Variants in KCNQ1 observed in about 807,000 individuals in gnomAD.
The protein encoded by KCNQ1 is potassium voltage-gated channel subfamily Q member 1.
Under a neutral mutation model 72.4 loss-of-function variants are expected in KCNQ1, and 49 were observed. The ratio of observed to expected loss-of-function variants is 0.68; its 90% CI spans 0.54 to 0.86. The LOEUF (loss-of-function observed/expected upper bound fraction) is 0.86, where lower values mean the gene tolerates loss of function less well. Among genes scored for constraint, KCNQ1 ranks in the 40% least tolerant of loss-of-function variants. The pLI is 0.00. For synonymous variants in KCNQ1, 450 were observed against 412.6 expected, an observed-to-expected ratio of 1.09 and a Z score of -1.10; for missense variants, 790 against 945.1, an observed-to-expected ratio of 0.84 and a Z score of 2.15.
intron 12 of KCNQ1, among the ~76,000 whole-genome samples, chr11:2,770,949 G>C (rs1204170792): frequency 6.6e-6 from 1 of 152,246 alleles, no homozygotes. Flanking sequence ...AGGAGACCAT[G>C]GGAAGGGCCA....
At position 2,600,214 on chromosome 11, in the gene KCNQ1, C is replaced by G. The variant is rs559664764; in HGVS notation, c.1393+11360C>G. On this transcript the variant is annotated intron_variant, in intron 10 of 15. Coordinates refer to ENST00000155840, the MANE Select transcript of KCNQ1 (RefSeq NM_000218.3). This position sits in a 1 kb window ranked among gnomAD's most constrained non-coding sequence, Gnocchi z 5.6. ...CATCTCCGGCCTCAGTTATGACCACCAAAAACATCTCCACATGTTGCTACA... is the reference window on the plus strand; with the variant it reads ...CATCTCCGGCCTCAGTTATGACCACGAAAAACATCTCCACATGTTGCTACA... Among the ~76,000 whole-genome samples the G allele has an allele frequency of 2.6e-5, 4 of 152,288 alleles. No homozygotes were observed. The South Asian group carries it at 8.3e-4, about 32-fold the overall frequency.
chr11:2,512,410 C>T (rs1333811645), intron 1 of KCNQ1, among the ~76,000 whole-genome samples: 1 of 152,174 alleles, frequency 6.6e-6, no homozygotes, highest in Admixed American at 6.5e-5. Flanking sequence ...TGCCTACCTC[C>T]CTCTCTGAAT....
intron 10 of KCNQ1, chr11:2,628,734 C>T (rs1157183309): frequency 5.0e-6 from 2 of 398,144 alleles, no homozygotes; most frequent in African/African-American, 4.1e-5. Context: ...GGAGCTTTTC[C>T]CTGTTTTATA....
rs577584772 is a variant in KCNQ1 at position 2,777,850 on chromosome 11, A to AGT, written c.1733-125_1733-124dup. ...ATAGCATGCTTTTTAAAAATGTCCT[A>AGT]GTAGGTTTAGGCATTTTGACTCTCA... On this transcript the variant is annotated intron_variant, in intron 14 of 15. Coordinates refer to ENST00000155840, the MANE Select transcript of KCNQ1 (RefSeq NM_000218.3). The AGT allele has an allele frequency of 4.5e-4, 346 of 775,916 alleles. 1 individual carries two copies. In the African/African-American group the frequency reaches 5.3e-3, roughly 12 times the overall value. 48.1% of individuals were successfully genotyped at this position (775,916 alleles called of 1,614,324 possible).
chr11:2,621,953 C>T lies in KCNQ1; in HGVS notation c.1393+33099C>T, dbSNP rs928032019. 5 of 398,054 alleles carry T rather than the reference C, an allele frequency of 1.3e-5. No homozygotes were observed. Among genetic ancestry groups the T allele is most frequent in the African/African-American group, 8.2e-5 (4 of 48,546 alleles). The allele number at this position is 398,054 out of a possible 1,614,324, so 24.7% of individuals were successfully genotyped here. A position where few individuals can be genotyped will look rare whatever the true frequency, so the allele number is the denominator to read the frequency against. On this transcript the variant is annotated intron_variant, in intron 10 of 15. Coordinates refer to ENST00000155840, the MANE Select transcript of KCNQ1 (RefSeq NM_000218.3). The surrounding 1 kb of genome is among the most constrained non-coding windows in gnomAD (Gnocchi z 5.7). ...CTTCTTTTTCTAATTCCTTGAGGTACAATTTTGGGCTATTTGAAATATCTC... is the reference window on the plus strand; with the variant it reads ...CTTCTTTTTCTAATTCCTTGAGGTATAATTTTGGGCTATTTGAAATATCTC...
chr11:2,765,485 T>C (rs1846481001), intron 11 of KCNQ1, among the ~76,000 whole-genome samples: 1 of 152,188 alleles, frequency 6.6e-6, no homozygotes, highest in African/African-American at 2.4e-5. Flanking sequence ...TAGGGAGCAG[T>C]GTTCTGTATA....
intron 11 of KCNQ1, chr11:2,694,436 C>T (rs1432338025): frequency 1.3e-5 from 5 of 398,548 alleles, no homozygotes; most frequent in Non-Finnish European, 1.8e-5. Flanking sequence ...TGCTAAACAT[C>T]TTACAATATA....
At chr11:2,692,124 C>T (rs1850598119) in intron 11 of KCNQ1, 1 of 398,722 alleles carries the variant, frequency 2.5e-6, no homozygotes. Context: ...TTTTATAGCC[C>T]ACTCTACTGA....
Position 2,645,538 on chromosome 11 carries a change from G to A in KCNQ1, c.1394-16423G>A, listed in dbSNP as rs894155382. On this transcript the variant is annotated intron_variant, in intron 10 of 15. Coordinates refer to ENST00000155840, the MANE Select transcript of KCNQ1 (RefSeq NM_000218.3). The surrounding 1 kb of genome is among the most constrained non-coding windows in gnomAD (Gnocchi z 5.8). ...GCAGCCCTACTCCTGGGGAAGTTGAGTGGGATTGCTTTCAGTGGCAGCAGC... is the reference window on the plus strand; with the variant it reads ...GCAGCCCTACTCCTGGGGAAGTTGAATGGGATTGCTTTCAGTGGCAGCAGC... 6 of 398,658 alleles carry A rather than the reference G, an allele frequency of 1.5e-5. No individual in the cohort carries two copies. In the East Asian group the frequency reaches 1.8e-4, roughly 12 times the overall value. 24.7% of individuals were successfully genotyped at this position (398,658 alleles called of 1,614,324 possible). A position where few individuals can be genotyped will look rare whatever the true frequency, so the allele number is the denominator to read the frequency against.
chr11:2,677,062 G>A lies in KCNQ1; in HGVS notation c.1514+14981G>A. 1 of 398,604 alleles carries A rather than the reference G, an allele frequency of 2.5e-6. No individual in the cohort carries two copies. Among genetic ancestry groups the A allele is most frequent in the Non-Finnish European group, 4.4e-6 (1 of 226,056 alleles). 24.7% of individuals were successfully genotyped at this position (398,604 alleles called of 1,614,324 possible). Reference sequence around the variant, plus strand: ...TATGTAGGGCAGCTAAAAAACAGCAGCCATTAACCATTCAAATATATTCAC... The same window carrying A: ...TATGTAGGGCAGCTAAAAAACAGCAACCATTAACCATTCAAATATATTCAC... On this transcript the variant is annotated intron_variant, in intron 11 of 15. Transcript: ENST00000155840. This position sits in a 1 kb window ranked among gnomAD's most constrained non-coding sequence, Gnocchi z 4.5.
intron 15 of KCNQ1, among the ~76,000 whole-genome samples, chr11:2,789,802 C>G (rs918322557): frequency 5.3e-5 from 8 of 152,172 alleles, no homozygotes; most frequent in Non-Finnish European, 8.8e-5. Flanking sequence ...TTCTTTTTCC[C>G]CCCAGTAAAG....
intron 11 of KCNQ1, among the ~76,000 whole-genome samples, chr11:2,700,984 G>A (rs1363023939): frequency 2.0e-5 from 3 of 152,238 alleles, no homozygotes; most frequent in African/African-American, 4.8e-5. Context: ...CTTCCATGTG[G>A]ACTGCAAAAA....
At chr11:2,751,021 C>T (rs1371989412) in intron 11 of KCNQ1, among the ~76,000 whole-genome samples, 1 of 152,192 alleles carries the variant, frequency 6.6e-6, no homozygotes, top group Admixed American at 6.5e-5. Flanking sequence ...TTCGCTAGCT[C>T]CTTCCTGGTG....
chr11:2,569,347 A>G (rs1049325700), intron 2 of KCNQ1, among the ~76,000 whole-genome samples: 2 of 152,250 alleles, frequency 1.3e-5, no homozygotes, highest in African/African-American at 4.8e-5. Context: ...GGCTTGTCCC[A>G]AACACATGCC....
chr11:2,791,874 G>A (rs570494248), intron 15 of KCNQ1, among the ~76,000 whole-genome samples: 46 of 152,374 alleles, frequency 3.0e-4, no homozygotes, highest in African/African-American at 1.0e-3. Context: ...GGACGGTGGC[G>A]TCCACAAAAT....
At position 2,620,106 on chromosome 11, in the gene KCNQ1, G is replaced by A. The variant is rs1849140959; in HGVS notation, c.1393+31252G>A. 5.0e-6 allele frequency: 2 copies of A among 398,148 alleles called. No individual in the cohort carries two copies. Among genetic ancestry groups the A allele is most frequent in the Non-Finnish European group, 8.8e-6 (2 of 226,006 alleles). The allele number at this position is 398,148 out of a possible 1,614,324, so 24.7% of individuals were successfully genotyped here. On this transcript the variant is annotated intron_variant, in intron 10 of 15. Coordinates refer to ENST00000155840, the MANE Select transcript of KCNQ1 (RefSeq NM_000218.3). The surrounding 1 kb of genome is among the most constrained non-coding windows in gnomAD (Gnocchi z 4.5). ...AGGTCCCACTTGCAAGTGGTAACAT[G>A]CAGTATTTGGTTTTCTGTTCCTGCA...
At chr11:2,460,472 C>T (rs1846259937) in intron 1 of KCNQ1, among the ~76,000 whole-genome samples, 1 of 152,266 alleles carries the variant, frequency 6.6e-6, no homozygotes, top group Non-Finnish European at 1.5e-5. Flanking sequence ...AGGCCCTGGC[C>T]TCCACAGGCC....
intron 10 of KCNQ1, chr11:2,640,018 A>G (rs971963732): frequency 6.2e-6 from 1 of 160,810 alleles, no homozygotes; most frequent in Non-Finnish European, 1.4e-5. Flanking sequence ...GGCGCGGGAT[A>G]TAATCTCCTG....
chr11:2,514,686 C>T (rs532100941), intron 1 of KCNQ1, among the ~76,000 whole-genome samples: 15 of 152,300 alleles, frequency 9.8e-5, no homozygotes, highest in East Asian at 7.7e-4. Flanking sequence ...ATTAGCCCGG[C>T]GTGGTGGCGG....
Sources: gnomAD v4.1 joint callset for allele counts (sites outside exome capture counted in the v4.1 genomes callset) on GRCh38, gnomAD v4.1.1 for gene constraint, Gnocchi (gnomAD v3.1) non-coding constraint, MANE v1.5 for transcripts, NCBI Gene and HGNC (gene_info 2026-07-23, HGNC 2026-07-21) for gene names.